PRELID2: variants seen among roughly 807,000 people sequenced by gnomAD.
The protein encoded by PRELID2 is PRELI domain containing 2, also known as PRELI domain-containing protein 2.
Under a neutral mutation model 28.4 loss-of-function variants are expected in PRELID2, and 25 were observed. The observed-to-expected ratio is 0.88, with a 90% CI of 0.64 to 1.23. PRELID2 has a LOEUF of 1.23. Ranked by LOEUF, PRELID2 falls within the 50% of genes most tolerant of loss-of-function variation. The pLI is 0.00. For missense variants in PRELID2, 201 were observed against 214.4 expected, an observed-to-expected ratio of 0.94 and a Z score of 0.39; for synonymous variants, 76 against 71.6, an observed-to-expected ratio of 1.06 and a Z score of -0.31.
At chr5:145,595,374 G>A (rs1753290500) in intron 1 of PRELID2, among the ~76,000 whole-genome samples, 1 of 152,122 alleles carries the variant, frequency 6.6e-6, no homozygotes, top group Non-Finnish European at 1.5e-5. Context: ...AAAAGAAGAG[G>A]TAAAGGTGGG....
At chr5:145,240,983 G>T in the PRELID2 span, among the ~76,000 whole-genome samples, 1 of 151,840 alleles carries the variant, frequency 6.6e-6, no homozygotes. Context: ...GACTCAAACA[G>T]GTTAAAGAGC....
the PRELID2 span, among the ~76,000 whole-genome samples, chr5:145,454,401 T>C: frequency 6.6e-6 from 1 of 152,138 alleles, no homozygotes; most frequent in East Asian, 1.9e-4. Context: ...ACCACTCCTA[T>C]TCAACATAGT....
At chr5:145,508,210 G>GA (rs1324966449) in intron 1 of PRELID2, among the ~76,000 whole-genome samples, 2 of 151,944 alleles carry the variant, frequency 1.3e-5, no homozygotes, top group Non-Finnish European at 2.9e-5. Flanking sequence ...CACATTGGCT[G>GA]AAAAAATCAA....
intron 1 of PRELID2, among the ~76,000 whole-genome samples, chr5:145,533,684 TC>T (rs1441626828): frequency 2.6e-5 from 4 of 152,082 alleles, no homozygotes; most frequent in Admixed American, 1.3e-4. Context: ...TATATTTCCC[TC>T]TTAAATACTG....
chr5:145,267,939 A>C, the PRELID2 span, among the ~76,000 whole-genome samples: 3 of 152,086 alleles, frequency 2.0e-5, no homozygotes, highest in Non-Finnish European at 2.9e-5. Flanking sequence ...ACTGTTTACC[A>C]TTTGTATGTC....
At chr5:145,436,697 T>C in the PRELID2 span, among the ~76,000 whole-genome samples, 1 of 152,174 alleles carries the variant, frequency 6.6e-6, no homozygotes, top group Admixed American at 6.5e-5. Flanking sequence ...ATATGTTTGC[T>C]GGCTGTGTTT....
chr5:145,548,603 T>G (rs1436317690), intron 1 of PRELID2, among the ~76,000 whole-genome samples: 1 of 152,206 alleles, frequency 6.6e-6, no homozygotes, highest in African/African-American at 2.4e-5. Flanking sequence ...TCATTTCTGT[T>G]GAGCCCACTT....
chr5:145,574,577 TTA>T (rs1753044836), intron 1 of PRELID2, among the ~76,000 whole-genome samples: 1 of 152,164 alleles, frequency 6.6e-6, no homozygotes, highest in Non-Finnish European at 1.5e-5. Context: ...TTTTATAAGC[TTA>T]TGTTTTGGGG....
chr5:145,327,044 T>C, the PRELID2 span, among the ~76,000 whole-genome samples: 1 of 152,236 alleles, frequency 6.6e-6, no homozygotes, highest in African/African-American at 2.4e-5. Context: ...TTCTAAAGTC[T>C]CAAAATCTCT....
the PRELID2 span, among the ~76,000 whole-genome samples, chr5:145,407,347 C>T: frequency 6.6e-6 from 1 of 152,118 alleles, no homozygotes; most frequent in African/African-American, 2.4e-5. Flanking sequence ...CTTATCCCCA[C>T]TTCTGTGGCA....
chr5:145,255,018 A>G, the PRELID2 span, among the ~76,000 whole-genome samples: 1 of 152,044 alleles, frequency 6.6e-6, no homozygotes, highest in Non-Finnish European at 1.5e-5. Context: ...TCACCTATAG[A>G]CTACAACTAA....
At chr5:145,640,317 A>C (rs192448824) in intron 1 of PRELID2, among the ~76,000 whole-genome samples, 12,116 of 150,920 alleles carry the variant, frequency 0.08, 662 homozygotes, top group Admixed American at 0.18. Context: ...TACTAAAAAA[A>C]TACAAAAAAT....
chr5:145,392,392 A>G, the PRELID2 span, among the ~76,000 whole-genome samples: 8 of 152,134 alleles, frequency 5.3e-5, no homozygotes, highest in Non-Finnish European at 1.2e-4. Context: ...AGAGAACAGC[A>G]TGAGAGTAAC....
chr5:145,633,749 C>T (rs558475142), intron 1 of PRELID2, among the ~76,000 whole-genome samples: 1 of 152,296 alleles, frequency 6.6e-6, no homozygotes, highest in African/African-American at 2.4e-5. Flanking sequence ...CTGCTGCTGG[C>T]TTTACGTCTC....
intron 1 of PRELID2, among the ~76,000 whole-genome samples, chr5:145,514,516 C>T (rs75601779): frequency 6.6e-6 from 1 of 152,104 alleles, no homozygotes; most frequent in African/African-American, 2.4e-5. Context: ...ATAAGACCTA[C>T]AAACAGATTT....
At chr5:145,322,273 T>C in the PRELID2 span, among the ~76,000 whole-genome samples, 1 of 152,214 alleles carries the variant, frequency 6.6e-6, no homozygotes, top group Admixed American at 6.5e-5. Context: ...CCCTCTTATA[T>C]AGAGATACTA....
chr5:145,444,637 CT>C, the PRELID2 span, among the ~76,000 whole-genome samples: 1 of 151,932 alleles, frequency 6.6e-6, no homozygotes, highest in African/African-American at 2.4e-5. Flanking sequence ...AGCCCCCTCC[CT>C]TTTTTTGACT....
the PRELID2 span, among the ~76,000 whole-genome samples, chr5:145,332,385 C>T: frequency 1.2e-4 from 18 of 152,290 alleles, no homozygotes; most frequent in East Asian, 3.5e-3. Flanking sequence ...CCATTCTTCC[C>T]ATCACTTTCA....
At chr5:145,682,441 A>G (rs17103617) in intron 1 of PRELID2, among the ~76,000 whole-genome samples, 4,520 of 152,294 alleles carry the variant, frequency 0.03, 211 homozygotes, top group African/African-American at 0.099. Flanking sequence ...AGGAGTCACA[A>G]TCTGGTATAA....
Sources: allele counts gnomAD v4.1 joint callset (sites outside exome capture counted in the v4.1 genomes callset), GRCh38; gene constraint gnomAD v4.1.1; transcripts MANE v1.5; gene names NCBI Gene and HGNC (gene_info 2026-07-23, HGNC 2026-07-21).